UNC79: variants seen among roughly 807,000 people sequenced by gnomAD.
UNC79 encodes the protein unc-79 subunit of NALCN channel complex, also known as protein unc-79 homolog.
A neutral mutation model predicts 283.1 loss-of-function variants in UNC79; 37 were observed. The observed-to-expected ratio is 0.13, with a 90% CI of 0.10 to 0.17. The LOEUF (loss-of-function observed/expected upper bound fraction) is 0.17. UNC79 is among the 10% of genes least tolerant of loss of function. The pLI is 1.00. For missense variants in UNC79, 2,272 were observed against 3,211.1 expected, an observed-to-expected ratio of 0.71 and a Z score of 7.07; for synonymous variants, 1,107 against 1,200.2, an observed-to-expected ratio of 0.92 and a Z score of 1.61.
chr14:93,629,233 A>G (rs1057460512), intron 30 of UNC79, among the ~76,000 whole-genome samples: 7 of 152,152 alleles, frequency 4.6e-5, no homozygotes, highest in Non-Finnish European at 1.0e-4. Flanking sequence ...AAATAGGCAT[A>G]CCCAAACTCT....
At chr14:93,374,855 A>G (rs2054523948) in intron 1 of UNC79, among the ~76,000 whole-genome samples, 1 of 152,188 alleles carries the variant, frequency 6.6e-6, no homozygotes, top group Admixed American at 6.5e-5. Context: ...CCTCCATTGT[A>G]TCTTGAAAGT....
rs2055526513 is a variant in UNC79 at position 93,418,853 on chromosome 14, G to A, written c.-350-48818G>A. Among the ~76,000 whole-genome samples, 4 of 151,942 alleles carry A rather than the reference G, an allele frequency of 2.6e-5. 1 individual carries two copies. The highest frequency in any genetic ancestry group is 9.6e-5 in the African/African-American group (4 of 41,524). On this transcript the variant is annotated intron_variant, in intron 1 of 49. Coordinates refer to the UNC79 transcript ENST00000256339. ...GGTGCGCAATATAATCTCCTGGTGC[G>A]CCATTTTTTAAGCCCGTTGGAAAAG...
chr14:93,653,798 T>C (rs1317481266), exon 36 of UNC79: 1 of 1,614,104 alleles, frequency 6.2e-7, no homozygotes, highest in Non-Finnish European at 8.5e-7. Flanking sequence ...CGCTGCATCT[T>C]CCATCAGTTG....
In UNC79 at chr14:93,691,690, C is replaced by T. The variant is rs1251555564; in HGVS notation, c.7273-59C>T. ...AGACCAAAGCCATGCGGGAGGACTC[C>T]GTGGAGGGCCACAGCCTGCTGGGAT... On this transcript the variant is annotated intron_variant, in intron 45 of 48. Transcript: ENST00000555664. 5 of 1,593,822 alleles carry T rather than the reference C, an allele frequency of 3.1e-6. No homozygotes were observed. The Admixed American group carries it at 6.7e-5, about 21-fold the overall frequency.
chr14:93,630,862 G>A (rs2067974933), exon 31 of UNC79: 11 of 1,614,008 alleles, frequency 6.8e-6, no homozygotes, highest in Middle Eastern at 3.3e-4. Flanking sequence ...CTGCCCCTAC[G>A]TTAGATGCAG....
intron 40 of UNC79, among the ~76,000 whole-genome samples, chr14:93,664,059 T>A (rs2071893534): frequency 6.6e-6 from 1 of 152,204 alleles, no homozygotes; most frequent in African/African-American, 2.4e-5. Flanking sequence ...CTTCCCATTA[T>A]CATCTACCCT....
At chr14:93,569,973 G>A (rs1486809733) in intron 14 of UNC79, among the ~76,000 whole-genome samples, 1 of 152,038 alleles carries the variant, frequency 6.6e-6, no homozygotes, top group African/African-American at 2.4e-5. Flanking sequence ...TAGATATGGG[G>A]TCTCACTCTG....
At chr14:93,496,716 T>C (rs1025783884) in intron 6 of UNC79, among the ~76,000 whole-genome samples, 4 of 152,218 alleles carry the variant, frequency 2.6e-5, no homozygotes, top group African/African-American at 9.6e-5. Context: ...ATTAAGCTAA[T>C]ATTATATGTT....
intron 40 of UNC79, among the ~76,000 whole-genome samples, chr14:93,664,013 C>T (rs888462187): frequency 6.6e-6 from 1 of 152,134 alleles, no homozygotes; most frequent in African/African-American, 2.4e-5. Flanking sequence ...CACAGGATAT[C>T]TCCTCATAAT....
intron 23 of UNC79, among the ~76,000 whole-genome samples, chr14:93,595,826 A>C (rs1234250023): frequency 6.6e-6 from 1 of 152,174 alleles, no homozygotes; most frequent in Non-Finnish European, 1.5e-5. Flanking sequence ...TATTTTAGTC[A>C]ATTTAACTTT....
chr14:93,375,578 C>A (rs1305874588), intron 1 of UNC79, among the ~76,000 whole-genome samples: 1 of 152,068 alleles, frequency 6.6e-6, no homozygotes, highest in Non-Finnish European at 1.5e-5. Flanking sequence ...GTTCTGCAGG[C>A]TGTACAGGAA....
intron 46 of UNC79, 144 bp from the exon 50 acceptor site, chr14:93,694,191 G>C: frequency 1.6e-6 from 1 of 611,248 alleles, no homozygotes; most frequent in Non-Finnish European, 2.8e-6. Flanking sequence ...AGAGGTGAAT[G>C]AACACCACTG....
intron 1 of UNC79, among the ~76,000 whole-genome samples, chr14:93,464,281 G>A (rs1247147142): frequency 6.6e-6 from 1 of 152,240 alleles, no homozygotes; most frequent in African/African-American, 2.4e-5. Flanking sequence ...CTGGAGGCTT[G>A]AAGTCTGAGA....
At chr14:93,379,698 G>C (rs2054627537) in intron 1 of UNC79, among the ~76,000 whole-genome samples, 1 of 132,968 alleles carries the variant, frequency 7.5e-6, no homozygotes, top group Non-Finnish European at 1.6e-5. Context: ...GGACTTTGGG[G>C]ACTGCAGGGG....
intron 1 of UNC79, among the ~76,000 whole-genome samples, chr14:93,386,297 ATGGT>A (rs763454690): frequency 2.6e-4 from 39 of 152,256 alleles, no homozygotes; most frequent in Non-Finnish European, 4.4e-4. Context: ...ATGCTGAACC[ATGGT>A]TGCATCCCTG....
chr14:93,674,234 G>T (rs1409795032), intron 41 of UNC79, among the ~76,000 whole-genome samples: 1 of 152,166 alleles, frequency 6.6e-6, no homozygotes, highest in African/African-American at 2.4e-5. Context: ...CATGAAGGAA[G>T]TAGCATTTGA....
intron 1 of UNC79, among the ~76,000 whole-genome samples, chr14:93,423,091 A>G (rs927736552): frequency 4.3e-5 from 6 of 139,156 alleles, no homozygotes; most frequent in African/African-American, 1.6e-4. Context: ...AAAAAAAAAA[A>G]GAAAAGAAGT....
chr14:93,681,608 A>G (rs2209675), intron 41 of UNC79, among the ~76,000 whole-genome samples: 148,951 of 152,282 alleles, frequency 0.98, 73,198 homozygotes, highest in Non-Finnish European at 1. Context: ...TATGAGAACA[A>G]AATGAATGAG....
rs2060800190 is a variant in UNC79, at chr14:93,531,046, G to A, written c.1094-1504G>A. ...ATTAGTGATCATCCAGTGCTCTGAGGTAAAAGCCATAGTCAAGTTATAAAA... is the reference window on the plus strand; with the variant it reads ...ATTAGTGATCATCCAGTGCTCTGAGATAAAAGCCATAGTCAAGTTATAAAA... On this transcript the variant is annotated intron_variant, in intron 10 of 48. Transcript: ENST00000555664. The surrounding 1 kb of genome is among the most constrained non-coding windows in gnomAD (Gnocchi z 4.2). Among the ~76,000 whole-genome samples the A allele has an allele frequency of 6.6e-6, 1 of 152,148 alleles. No homozygotes were observed.
Sources: gnomAD v4.1 joint callset for allele counts (sites outside exome capture counted in the v4.1 genomes callset) on GRCh38, gnomAD v4.1.1 for gene constraint, Gnocchi (gnomAD v3.1) non-coding constraint, MANE v1.5 for transcripts, NCBI Gene and HGNC (gene_info 2026-07-23, HGNC 2026-07-21) for gene names.